SKIL: variants seen among roughly 807,000 people sequenced by gnomAD.
SKIL encodes ski-like protein.
Under a neutral mutation model 69.6 loss-of-function variants are expected in SKIL, and 20 were observed. That is an observed-to-expected ratio of 0.29 (90% CI 0.20 to 0.42). The LOEUF (loss-of-function observed/expected upper bound fraction) is 0.42, where lower values mean the gene tolerates loss of function less well. SKIL is among the 10% of genes least tolerant of loss of function. The pLI, the probability that SKIL is intolerant of heterozygous loss-of-function variation, is 1.00. For missense variants in SKIL, 745 were observed against 783.1 expected, an observed-to-expected ratio of 0.95 and a Z score of 0.58; for synonymous variants, 310 against 279.9, an observed-to-expected ratio of 1.11 and a Z score of -1.08.
intron 6 of SKIL, 66 bp downstream of exon 6, chr3:170,391,326 T>C (rs1033057910): frequency 2.2e-5 from 16 of 741,160 alleles, no homozygotes; most frequent in African/African-American, 3.7e-5. Flanking sequence ...ACTTCTCTCT[T>C]TTTTTTTTTT....
chr3:170,381,035 T>C (rs1208921334), intron 2 of SKIL, among the ~76,000 whole-genome samples: 2 of 151,290 alleles, frequency 1.3e-5, no homozygotes, highest in African/African-American at 2.4e-5. Context: ...GGTCTTCCTA[T>C]GTTGCCCAGG....
intron 2 of SKIL, among the ~76,000 whole-genome samples, chr3:170,365,024 A>G (rs1429786579): frequency 6.6e-6 from 1 of 152,258 alleles, no homozygotes; most frequent in Non-Finnish European, 1.5e-5. Context: ...CCATACTTTA[A>G]GAAAGATTCT....
intron 4 of SKIL, among the ~76,000 whole-genome samples, chr3:170,389,811 T>C (rs1021738538): frequency 6.6e-6 from 1 of 152,238 alleles, no homozygotes; most frequent in African/African-American, 2.4e-5. Flanking sequence ...TGTGAGTCTT[T>C]CAACTTCGTT....
At chr3:170,384,434 A>G (rs149594940) in intron 3 of SKIL, 99 bp from the exon 4 acceptor site, 3 of 583,892 alleles carry the variant, frequency 5.1e-6, no homozygotes, top group Non-Finnish European at 9.0e-6. Flanking sequence ...TTTGGTTAGA[A>G]AAAAAAAAGT....
intron 3 of SKIL, 101 bp downstream of exon 3, chr3:170,381,442 T>G (rs1489020260): frequency 3.3e-6 from 2 of 598,512 alleles, no homozygotes; most frequent in South Asian, 3.9e-5. Flanking sequence ...TATTTATTTA[T>G]TTTTTTTGGT....
rs995185084 is a variant in SKIL, at chr3:170,365,767, T to C, written c.1098+4338T>C. Reference sequence around the variant, plus strand: ...TCAAACTAGGCTTTTTTTTTTTTTTTTTTTTTGAGATGGAGTTTCGCTCTT... The same window carrying C: ...TCAAACTAGGCTTTTTTTTTTTTTTCTTTTTTGAGATGGAGTTTCGCTCTT... On this transcript the variant is annotated intron_variant, in intron 2 of 6. Transcript: ENST00000259119. Among the ~76,000 whole-genome samples, 13 of 148,914 alleles carry C rather than the reference T, an allele frequency of 8.7e-5. No individual in the cohort carries two copies. In the South Asian group the frequency reaches 2.8e-3, roughly 32 times the overall value.
chr3:170,390,440 G>A lies in SKIL; in HGVS notation c.1647G>A (p.Leu549=). The change falls in exon 5 of 7, where the codon TTG becomes TTA. Residue 549 remains leucine (L), a synonymous_variant. Transcript: ENST00000259119. ...LKQQEKLNLI[L]QKKQQLQMEV... ...AACAGGAAAAACTAAACTTGATTTT[G>A]CAAAAGAAGCAACAACTTCAGATGG... 1 of 1,610,696 alleles carries A rather than the reference G, an allele frequency of 6.2e-7. No individual in the cohort carries two copies. Among genetic ancestry groups the A allele is most frequent in the Non-Finnish European group, 8.5e-7 (1 of 1,177,170 alleles).
At chr3:170,364,635 T>G (rs1736415415) in intron 2 of SKIL, among the ~76,000 whole-genome samples, 1 of 152,212 alleles carries the variant, frequency 6.6e-6, no homozygotes, top group Admixed American at 6.5e-5. Context: ...CCAGTCTAAT[T>G]ATTAGTCTGA....
chr3:170,389,399 C>T (rs1321528315), intron 4 of SKIL, among the ~76,000 whole-genome samples: 4 of 151,118 alleles, frequency 2.6e-5, no homozygotes, highest in Non-Finnish European at 4.4e-5. Flanking sequence ...CTGCAAGCTC[C>T]GCCTCCCAGG....
intron 5 of SKIL, 75 bp downstream of exon 5, chr3:170,390,539 T>C: frequency 8.4e-7 from 1 of 1,197,440 alleles, no homozygotes; most frequent in Admixed American, 2.0e-5. Flanking sequence ...CAGGCTGGAG[T>C]GCAGTGGCGC....
intron 2 of SKIL, 127 bp from the exon 3 acceptor site, chr3:170,381,115 CTG>C: frequency 1.6e-6 from 1 of 610,204 alleles, no homozygotes; most frequent in East Asian, 2.9e-5. Context: ...GTGTGAACCA[CTG>C]TGCGTGGCAT....
chr3:170,380,400 T>C (rs897875661), intron 2 of SKIL, among the ~76,000 whole-genome samples: 4 of 152,114 alleles, frequency 2.6e-5, no homozygotes, highest in Admixed American at 6.6e-5. Flanking sequence ...CCCTGCACTT[T>C]GGGAGGCTGA....
chr3:170,389,125 G>C (rs747930543), intron 4 of SKIL, among the ~76,000 whole-genome samples: 5 of 151,286 alleles, frequency 3.3e-5, no homozygotes, highest in Non-Finnish European at 7.4e-5. Flanking sequence ...CACCTGCCTC[G>C]GCCTCCCAAA....
chr3:170,390,637 C>G (rs1048277089), intron 5 of SKIL, among the ~76,000 whole-genome samples, 173 bp downstream of exon 5: 4 of 152,126 alleles, frequency 2.6e-5, no homozygotes, highest in African/African-American at 9.7e-5. Flanking sequence ...CAGGCACGTG[C>G]CACCATGCCT....
chr3:170,371,810 G>A (rs1005031748), intron 2 of SKIL, among the ~76,000 whole-genome samples: 6 of 152,122 alleles, frequency 3.9e-5, no homozygotes, highest in Middle Eastern at 3.2e-3. Context: ...ATTGAAAACC[G>A]CCAGGAGGGT....
chr3:170,389,762 G>C (rs1260656840), intron 4 of SKIL, among the ~76,000 whole-genome samples: 2 of 152,166 alleles, frequency 1.3e-5, no homozygotes, highest in African/African-American at 4.8e-5. Context: ...ACACAGTCTT[G>C]ATTTCTGTAG....
intron 2 of SKIL, among the ~76,000 whole-genome samples, chr3:170,373,440 A>T (rs1186611541): frequency 2.0e-5 from 3 of 152,142 alleles, no homozygotes; most frequent in Admixed American, 2.0e-4. Flanking sequence ...GGCCTCCCAA[A>T]GTGCTGGGAT....
At chr3:170,379,790 C>T (rs575419789) in intron 2 of SKIL, among the ~76,000 whole-genome samples, 19 of 152,158 alleles carry the variant, frequency 1.2e-4, no homozygotes, top group East Asian at 7.7e-4. Flanking sequence ...ATTACAGGAG[C>T]GCACCACCAT....
intron 3 of SKIL, 139 bp from the exon 4 acceptor site, chr3:170,384,394 C>T: frequency 1.9e-6 from 1 of 535,622 alleles, no homozygotes. Context: ...TTACTGTGAC[C>T]TTTATTTTCT....
Sources: gnomAD v4.1 joint callset for allele counts (sites outside exome capture counted in the v4.1 genomes callset) on GRCh38, gnomAD v4.1.1 for gene constraint, MANE v1.5 for transcripts, NCBI Gene and HGNC (gene_info 2026-07-23, HGNC 2026-07-21) for gene names.